PDXK: variants seen among roughly 807,000 people sequenced by gnomAD.
PDXK encodes epididymis secretory sperm binding protein Li 1a.
In PDXK, 15 loss-of-function variants were observed where a neutral mutation model predicts 43.2. The ratio of observed to expected loss-of-function variants is 0.35; its 90% confidence interval spans 0.23 to 0.53. The LOEUF (loss-of-function observed/expected upper bound fraction) is 0.53. Among genes scored for constraint, PDXK ranks in the 20% least tolerant of loss-of-function variants. The probability of loss-of-function intolerance (pLI) is 0.92; values close to 1 mark genes in which losing one functional copy is unlikely to be tolerated. For synonymous variants in PDXK, 172 were observed against 165.4 expected (o/e 1.04, Z -0.31); for missense variants, 343 against 417.0 (o/e 0.82, Z 1.54).
At position 43,760,160 on chromosome 21, in the gene PDXK, T is replaced by C. The variant is rs1362065969; in HGVS notation, c.*4097T>C. ...CTGCAGGTGGAAGGAGGTGGGAATC[T>C]TGGATTTTTTGTTTTTTTTTGTTTT... On this transcript the variant is annotated 3_prime_UTR_variant, in exon 11 of 11. Coordinates refer to ENST00000291565, the MANE Select transcript of PDXK (RefSeq NM_003681.5). The C allele has an allele frequency of 6.6e-6, 1 of 152,058 alleles. No individual in the cohort carries two copies. Among genetic ancestry groups the C allele is most frequent in the Non-Finnish European group, 1.5e-5 (1 of 67,706 alleles). 9.4% of individuals were successfully genotyped at this position (152,058 alleles called of 1,614,324 possible). A position where few individuals can be genotyped will look rare whatever the true frequency, so the allele number is the denominator to read the frequency against.
At chr21:43,742,540 T>G (rs2083555149) in intron 3 of PDXK, among the ~76,000 whole-genome samples, 1 of 152,202 alleles carries the variant, frequency 6.6e-6, no homozygotes, top group Non-Finnish European at 1.5e-5. Context: ...GTGTTAGAAT[T>G]ACAGGCGTGA....
At position 43,760,111 on chromosome 21, in the gene PDXK, C is replaced by T. The variant is rs1490285021; in HGVS notation, c.*4048C>T. 6.5e-6 allele frequency: 1 copy of T among 153,798 alleles called. No individual in the cohort carries two copies. The highest frequency in any genetic ancestry group is 1.5e-5 in the Non-Finnish European group (1 of 68,070). 9.5% of individuals were successfully genotyped at this position (153,798 alleles called of 1,614,324 possible). A position where few individuals can be genotyped will look rare whatever the true frequency, so the allele number is the denominator to read the frequency against. On this transcript the variant is annotated 3_prime_UTR_variant, in exon 11 of 11. Transcript: ENST00000291565. ...AGCTGGGCCTGTCGTGTGTTCCTGC[C>T]TGGCAGGTGCAGGTGCTGGCCATCT...
At chr21:43,750,980 G>GCA (rs2083740871) in intron 7 of PDXK, among the ~76,000 whole-genome samples, 1 of 148,272 alleles carries the variant, frequency 6.7e-6, no homozygotes, top group African/African-American at 2.5e-5. Flanking sequence ...GTGTGTGTGT[G>GCA]CACATGTGTG....
rs757783924 is a variant in PDXK, at chr21:43,723,028, CG to C, written c.87+3651del. On this transcript the variant is annotated intron_variant, in intron 1 of 10. Coordinates refer to ENST00000291565, the MANE Select transcript of PDXK (RefSeq NM_003681.5). The surrounding 1 kb of genome is among the most constrained non-coding windows in gnomAD (Gnocchi z 4.1). ...AATTTTTTTGTATTTTTAGTAGAGA[CG>C]GGGTTTCACCGTGTTAGCCAGGATG... is the stretch of plus-strand genomic sequence containing the variant. 8.9e-4 allele frequency among the ~76,000 whole-genome samples: 135 copies of C among 151,514 alleles called. No homozygotes were observed. Among genetic ancestry groups the C allele is most frequent in the Non-Finnish European group, 1.8e-3 (123 of 67,878 alleles).
chr21:43,731,124 C>A (rs1423325376), intron 1 of PDXK, among the ~76,000 whole-genome samples: 1 of 152,162 alleles, frequency 6.6e-6, no homozygotes, highest in Non-Finnish European at 1.5e-5. Context: ...GTGTGAGCCA[C>A]TGTGCCTGGC....
chr21:43,719,528 A>G, intron 1 of PDXK, 147 bp downstream of exon 1: 1 of 1,334,762 alleles, frequency 7.5e-7, no homozygotes, highest in Non-Finnish European at 9.8e-7. Flanking sequence ...GCGCGGGATG[A>G]GCCTCCCGCT....
chr21:43,736,928 C>T, intron 2 of PDXK: 2 of 700,786 alleles, frequency 2.9e-6, no homozygotes, highest in Non-Finnish European at 2.6e-6. Context: ...GACTCCACGC[C>T]CAGTCTTTTC....
intron 7 of PDXK, among the ~76,000 whole-genome samples, chr21:43,750,829 TGTGTGCAC>T (rs1348335341): frequency 1.3e-5 from 2 of 148,822 alleles, no homozygotes; most frequent in Non-Finnish European, 3.0e-5. Flanking sequence ...CATGTGTGCA[TGTGTGCAC>T]GTGTGTGTGT....
In PDXK at chr21:43,734,413, C is replaced by G. The variant is rs529965669; in HGVS notation, c.142+290C>G. Among the ~76,000 whole-genome samples the G allele has an allele frequency of 5.9e-5, 9 of 152,306 alleles. No individual in the cohort carries two copies. Among genetic ancestry groups the G allele is most frequent in the African/African-American group, 2.2e-4 (9 of 41,566 alleles). The stretch of plus-strand genomic sequence containing the variant: ...CCTCTCGGTGCTTCAGTTTCCTTCT[C>G]TGTAAGACAGGAGGGCAATCCTAAC... On this transcript the variant is annotated intron_variant, in intron 2 of 10. Coordinates refer to ENST00000291565, the MANE Select transcript of PDXK (RefSeq NM_003681.5). This position sits in a 1 kb window ranked among gnomAD's most constrained non-coding sequence, Gnocchi z 5.0.
intron 1 of PDXK, among the ~76,000 whole-genome samples, chr21:43,727,420 A>C (rs1011336212): frequency 6.6e-6 from 1 of 152,152 alleles, no homozygotes; most frequent in Non-Finnish European, 1.5e-5. Flanking sequence ...CCGGCTCTGC[A>C]TGGGGCCTCT....
intron 7 of PDXK, among the ~76,000 whole-genome samples, chr21:43,751,270 C>T (rs892138154): frequency 1.3e-5 from 2 of 152,174 alleles, no homozygotes; most frequent in South Asian, 4.1e-4. Context: ...AACTTTTGGC[C>T]GGATGCAGTG....
chr21:43,742,840 A>G (rs2083560831), intron 3 of PDXK, among the ~76,000 whole-genome samples: 1 of 152,154 alleles, frequency 6.6e-6, no homozygotes. Flanking sequence ...TGCACTCTGG[A>G]CTAGGGGACA....
chr21:43,719,218 G>A lies in PDXK; in HGVS notation c.-77G>A, dbSNP rs2083186035. The A allele has an allele frequency of 4.8e-6, 4 of 825,960 alleles. No individual in the cohort carries two copies. Among genetic ancestry groups the A allele is most frequent in the East Asian group, 7.6e-5 (2 of 26,486 alleles). 51.2% of individuals were successfully genotyped at this position (825,960 alleles called of 1,614,324 possible). A position where few individuals can be genotyped will look rare whatever the true frequency, so the allele number is the denominator to read the frequency against. ...GGAGCCGGGGCCGGAGCCCGAGCCC[G>A]AGCCGAGCCGGAGCCCGAGCGAGCG... On this transcript the variant is annotated 5_prime_UTR_variant, in exon 1 of 11. Transcript: ENST00000291565.
rs1370936060 is a variant in PDXK, at chr21:43,758,116, C to T, written c.*2053C>T. ...GTGTCAGGTGTGGGACTCCTTCTGCCCCTGCAGTGGGTGTTACGGGCGGTG... is the reference window on the plus strand; with the variant it reads ...GTGTCAGGTGTGGGACTCCTTCTGCTCCTGCAGTGGGTGTTACGGGCGGTG... On this transcript the variant is annotated 3_prime_UTR_variant, in exon 11 of 11. Coordinates refer to ENST00000291565, the MANE Select transcript of PDXK (RefSeq NM_003681.5). 1.3e-5 allele frequency: 2 copies of T among 153,632 alleles called. No individual in the cohort carries two copies. Among genetic ancestry groups the T allele is most frequent in the African/African-American group, 4.8e-5 (2 of 41,398 alleles). 9.5% of individuals were successfully genotyped at this position (153,632 alleles called of 1,614,324 possible).
chr21:43,724,776 G>A (rs1345916251), intron 1 of PDXK, among the ~76,000 whole-genome samples: 4 of 151,864 alleles, frequency 2.6e-5, no homozygotes, highest in Non-Finnish European at 5.9e-5. Flanking sequence ...AGGAGGTGGA[G>A]GATGCAGTGA....
intron 7 of PDXK, 149 bp downstream of exon 7, chr21:43,750,694 GAT>G (rs960553236): frequency 2.3e-4 from 135 of 599,228 alleles, no homozygotes; most frequent in Non-Finnish European, 2.9e-4. Context: ...AGATCAGCAG[GAT>G]ATATGTGTGT....
In PDXK at chr21:43,748,546, A is replaced by T. The variant is rs796247711; in HGVS notation, c.379-449A>T. ...TTGTCAGGCAACTTAGACAAAAACT[A>T]GATGAAGGGTGCATTGACTCAGCCA... On this transcript the variant is annotated intron_variant, in intron 5 of 10. Coordinates refer to ENST00000291565, the MANE Select transcript of PDXK (RefSeq NM_003681.5). 8.3e-5 allele frequency: 13 copies of T among 156,624 alleles called. No individual in the cohort carries two copies. The East Asian group carries it at 1.9e-3, about 23-fold the overall frequency. 9.7% of individuals were successfully genotyped at this position (156,624 alleles called of 1,614,324 possible).
At chr21:43,741,875 C>T (rs982862089) in intron 3 of PDXK, 104 bp downstream of exon 3, 6 of 750,270 alleles carry the variant, frequency 8.0e-6, no homozygotes, top group Admixed American at 4.4e-5. Context: ...GTCTCGGGTC[C>T]CTGCCCCTTC....
chr21:43,747,134 A>C (rs1283527199), intron 5 of PDXK: 1 of 152,296 alleles, frequency 6.6e-6, no homozygotes, highest in Non-Finnish European at 1.5e-5. Flanking sequence ...CCCATCTCAA[A>C]AAACAAAAGA....
Sources: allele counts gnomAD v4.1 joint callset (sites outside exome capture counted in the v4.1 genomes callset), GRCh38; gene constraint gnomAD v4.1.1; non-coding constraint Gnocchi (gnomAD v3.1); transcripts MANE v1.5; gene names NCBI Gene and HGNC (gene_info 2026-07-23, HGNC 2026-07-21).